The following MFAP3 variants were observed in gnomAD, a reference collection of about 807,000 sequenced individuals.
The protein encoded by MFAP3 is microfibril associated protein 3.
MFAP3 carries 8 observed loss-of-function variants against 20.5 expected under a neutral mutation model. The observed-to-expected ratio is 0.39, with a 90% confidence interval of 0.23 to 0.70. MFAP3 has a LOEUF of 0.70. Among genes scored for constraint, MFAP3 ranks in the 30% least tolerant of loss-of-function variants. MFAP3 has a pLI of 0.44. For synonymous variants in MFAP3, 140 were observed against 154.0 expected, an observed-to-expected ratio of 0.91 and a Z score of 0.67; for missense variants, 398 against 444.6, an observed-to-expected ratio of 0.90 and a Z score of 0.94.
rs1257333222 is a variant in MFAP3, at chr5:154,057,083, G to T, written c.*3370G>T. Among the ~76,000 whole-genome samples the T allele has an allele frequency of 1.3e-5, 2 of 152,160 alleles. No homozygotes were observed. Among genetic ancestry groups the T allele is most frequent in the African/African-American group, 4.8e-5 (2 of 41,418 alleles). ...TCAGACTTTTGTCTCTTGGGTCCCA[G>T]ATGGCACAGGAGCACTGCATGCTTG... On this transcript the variant is annotated 3_prime_UTR_variant, in exon 3 of 3. Transcript: ENST00000522782.
chr5:154,051,853 G>C (rs1773198843), intron 2 of MFAP3: 1 of 152,162 alleles, frequency 6.6e-6, no homozygotes, highest in South Asian at 2.1e-4. Flanking sequence ...AGATTTTGAA[G>C]ATTGGGCACT....
Position 154,053,398 on chromosome 5 carries a change from T to C in MFAP3, c.774T>C (p.Ala258=). The change falls in exon 3 of 3, where the codon GCT becomes GCC. Residue 258 remains alanine, a synonymous_variant. Coordinates refer to ENST00000522782, the MANE Select transcript of MFAP3 (RefSeq NM_005927.5). ...CRAFVEEMFE[A]VRVDDPDDLG... The stretch of plus-strand genomic sequence containing the variant: ...CCTTTGTTGAGGAGATGTTTGAGGC[T>C]GTGCGAGTGGACGACCCTGATGACC... 6.2e-7 allele frequency: 1 copy of C among 1,614,030 alleles called. No homozygotes were observed. Among genetic ancestry groups the C allele is most frequent in the Non-Finnish European group, 8.5e-7 (1 of 1,179,962 alleles).
Position 154,055,162 on chromosome 5 carries a change from C to T in MFAP3, c.*1449C>T, listed in dbSNP as rs879273622. ...CAGTGGAGCTCCATTTGGGGCTTCA[C>T]GTTTCTTCATATGACTTCTGATTAT... On this transcript the variant is annotated 3_prime_UTR_variant, in exon 3 of 3. Coordinates refer to ENST00000522782, the MANE Select transcript of MFAP3 (RefSeq NM_005927.5). 3 of 167,030 alleles carry T rather than the reference C, an allele frequency of 1.8e-5. No individual in the cohort carries two copies. Among genetic ancestry groups the T allele is most frequent in the Non-Finnish European group, 4.4e-5 (3 of 68,116 alleles). 10.3% of individuals were successfully genotyped at this position (167,030 alleles called of 1,614,324 possible).
At chr5:154,045,823 A>G (rs980531110) in intron 1 of MFAP3, among the ~76,000 whole-genome samples, 27 of 152,148 alleles carry the variant, frequency 1.8e-4, no homozygotes, top group African/African-American at 6.3e-4. Flanking sequence ...GAGACCTTCA[A>G]TTTTGCTGAT....
rs1773326584 is a variant in MFAP3, at chr5:154,056,123, G to A, written c.*2410G>A. On this transcript the variant is annotated 3_prime_UTR_variant, in exon 3 of 3. Coordinates refer to ENST00000522782, the MANE Select transcript of MFAP3 (RefSeq NM_005927.5). ...GACATGTTTAAAATCAAAGTCCTAA[G>A]AAACAGAACTTTGGAAAAATGGAGG... Among the ~76,000 whole-genome samples, 1 of 152,138 alleles carries A rather than the reference G, an allele frequency of 6.6e-6. No homozygotes were observed. The highest frequency in any genetic ancestry group is 1.5e-5 in the Non-Finnish European group (1 of 68,020).
intron 2 of MFAP3, 84 bp downstream of exon 2, chr5:154,050,101 C>T: frequency 6.9e-7 from 1 of 1,450,166 alleles, no homozygotes; most frequent in Non-Finnish European, 9.2e-7. Context: ...CAAAAAGTCT[C>T]AAAGATAAGG....
Position 154,049,851 on chromosome 5 carries a change from CT to C in MFAP3, c.132del (p.Ser46GlnfsTer17), listed in dbSNP as rs1773144002. The C allele has an allele frequency of 6.2e-7, 1 of 1,613,560 alleles. No individual in the cohort carries two copies. Among genetic ancestry groups the C allele is most frequent in the Admixed American group, 1.7e-5 (1 of 59,952 alleles). ...CAAATCGTAGTTCTTACAATGCATCCTTTCCCTCAAGCTTTGAACTCTCAGC... is the reference window on the plus strand; with the variant it reads ...CAAATCGTAGTTCTTACAATGCATCCTTCCCTCAAGCTTTGAACTCTCAGC... The part of the protein sequence containing the change: ...EANRSSYNAS[F>X]PSSFELSASS... On this transcript the variant is annotated frameshift_variant, in exon 2 of 3. Transcript: ENST00000522782. LOFTEE classifies it high-confidence loss of function.
rs1773136374 is a variant in MFAP3 at position 154,049,649 on chromosome 5, C to T, written c.-74C>T. 5 of 1,415,802 alleles carry T rather than the reference C, an allele frequency of 3.5e-6. No homozygotes were observed. Among genetic ancestry groups the T allele is most frequent in the Non-Finnish European group, 4.8e-6 (5 of 1,038,758 alleles). The allele number at this position is 1,415,802 out of a possible 1,614,324, so 87.7% of individuals were successfully genotyped here. A position where few individuals can be genotyped will look rare whatever the true frequency, so the allele number is the denominator to read the frequency against. ...AATTTCTCTACCAAGCAATAAATTA[C>T]CCGCTGTGCTTTTGTTGTAGTGTAG... On this transcript the variant is annotated 5_prime_UTR_variant, in exon 2 of 3. Transcript: ENST00000522782.
At chr5:154,045,031 C>T (rs982850714) in intron 1 of MFAP3, among the ~76,000 whole-genome samples, 2 of 151,876 alleles carry the variant, frequency 1.3e-5, no homozygotes, top group Admixed American at 1.3e-4. Context: ...TTCTCCTGCT[C>T]CTCTTCCTGT....
Position 154,055,339 on chromosome 5 carries a change from G to A in MFAP3, c.*1626G>A, listed in dbSNP as rs1371560045. 1.3e-5 allele frequency among the ~76,000 whole-genome samples: 2 copies of A among 152,194 alleles called. No homozygotes were observed. Among genetic ancestry groups the A allele is most frequent in the Non-Finnish European group, 2.9e-5 (2 of 68,028 alleles). ...CTCCCTTTGTCCAGGCTTATCAGAA[G>A]TAATACATCTGCTCTGAATAGCATG... is the stretch of plus-strand genomic sequence containing the variant. On this transcript the variant is annotated 3_prime_UTR_variant, in exon 3 of 3. Coordinates refer to ENST00000522782, the MANE Select transcript of MFAP3 (RefSeq NM_005927.5).
At position 154,055,737 on chromosome 5, in the gene MFAP3, C is replaced by T. The variant is rs991507024; in HGVS notation, c.*2024C>T. ...CGTCCTGCTTCAGCCTCCCAAGCAG[C>T]TAGGACTACAGGTGTGCACCACCTT... On this transcript the variant is annotated 3_prime_UTR_variant, in exon 3 of 3. Coordinates refer to ENST00000522782, the MANE Select transcript of MFAP3 (RefSeq NM_005927.5). Among the ~76,000 whole-genome samples the T allele has an allele frequency of 1.3e-5, 2 of 152,152 alleles. No homozygotes were observed. Among genetic ancestry groups the T allele is most frequent in the East Asian group, 1.9e-4 (1 of 5,190 alleles).
At chr5:154,043,841 C>T (rs1473750664) in intron 1 of MFAP3, among the ~76,000 whole-genome samples, 1 of 151,594 alleles carries the variant, frequency 6.6e-6, no homozygotes. Flanking sequence ...ATTTGGTGAA[C>T]AATTCTGCAT....
rs768048031 is a variant in MFAP3 at position 154,053,751 on chromosome 5, C to T, written c.*38C>T. ...TAACCCAGTACCTACAAAATCAGCT[C>T]GCTCTCAGAAAAGGAACCTGTTTCT... is the stretch of plus-strand genomic sequence containing the variant. On this transcript the variant is annotated 3_prime_UTR_variant, in exon 3 of 3. Transcript: ENST00000522782. 1.4e-5 allele frequency: 21 copies of T among 1,525,958 alleles called. No homozygotes were observed. In the South Asian group the frequency reaches 1.7e-4, roughly 12 times the overall value. 94.5% of individuals were successfully genotyped at this position (1,525,958 alleles called of 1,614,324 possible).
intron 1 of MFAP3, among the ~76,000 whole-genome samples, chr5:154,042,795 A>C (rs1356940342): frequency 6.6e-6 from 1 of 151,994 alleles, no homozygotes; most frequent in African/African-American, 2.4e-5. Flanking sequence ...ATTTGATTAT[A>C]GAGAATGAAG....
chr5:154,043,228 A>G (rs1173896144), intron 1 of MFAP3, among the ~76,000 whole-genome samples: 2 of 152,180 alleles, frequency 1.3e-5, no homozygotes, highest in East Asian at 1.9e-4. Flanking sequence ...ACACTTATCT[A>G]TTACATTTTT....
At position 154,043,740 on chromosome 5, in the gene MFAP3, A is replaced by ATT. The variant is rs1481748986; in HGVS notation, c.-167+4730_-167+4731insTT. Among the ~76,000 whole-genome samples the ATT allele has an allele frequency of 6.5e-3, 673 of 103,644 alleles. 2 individuals are homozygous for ATT. The highest frequency in any genetic ancestry group is 0.026 in the South Asian group (91 of 3,550). The allele number at this position is 103,644 out of a possible 152,430, so 68.0% of individuals were successfully genotyped here. ...AACAGCAGGCATAATATATATATAT[A>ATT]TATTTTTTTTTCCAAATACAAATGC... On this transcript the variant is annotated intron_variant, in intron 1 of 2. Coordinates refer to ENST00000522782, the MANE Select transcript of MFAP3 (RefSeq NM_005927.5).
intron 1 of MFAP3, among the ~76,000 whole-genome samples, chr5:154,046,538 G>T (rs150254785): frequency 1.6e-3 from 242 of 152,234 alleles, no homozygotes; most frequent in African/African-American, 5.5e-3. Flanking sequence ...AGGTGGGGAG[G>T]GCTCTGGGGT....
At chr5:154,050,870 C>T (rs530513650) in intron 2 of MFAP3, among the ~76,000 whole-genome samples, 1 of 151,928 alleles carries the variant, frequency 6.6e-6, no homozygotes, top group Non-Finnish European at 1.5e-5. Flanking sequence ...AAAGAAATCA[C>T]CATGAAAAGC....
chr5:154,043,794 A>G (rs1479952613), intron 1 of MFAP3, among the ~76,000 whole-genome samples: 2 of 151,682 alleles, frequency 1.3e-5, no homozygotes, highest in African/African-American at 4.8e-5. Context: ...CATGGCATCT[A>G]ATATACCTGC....
Sources: allele counts gnomAD v4.1 joint callset (sites outside exome capture counted in the v4.1 genomes callset), GRCh38; gene constraint gnomAD v4.1.1; transcripts MANE v1.5; gene names NCBI Gene and HGNC (gene_info 2026-07-23, HGNC 2026-07-21).